TMEM132D: variants seen among roughly 807,000 people sequenced by gnomAD.
TMEM132D encodes transmembrane protein 132D.
TMEM132D carries 21 observed loss-of-function variants against 62.3 expected under a neutral mutation model. That is an observed-to-expected ratio of 0.34 (90% confidence interval 0.24 to 0.49). The LOEUF is 0.49. Ranked by LOEUF, TMEM132D falls within the 20% of genes least tolerant of loss-of-function variation. The probability of loss-of-function intolerance (pLI) is 0.99; values close to 1 mark genes in which losing one functional copy is unlikely to be tolerated. For missense variants in TMEM132D, 1,346 were observed against 1,402.8 expected (o/e 0.96, Z 0.65); for synonymous variants, 621 against 575.6 (o/e 1.08, Z -1.13).
intron 5 of TMEM132D, among the ~76,000 whole-genome samples, chr12:129,134,176 G>A (rs1565974649): frequency 6.6e-6 from 1 of 151,258 alleles, no homozygotes; most frequent in East Asian, 1.9e-4. Flanking sequence ...CTGTGTGTGT[G>A]TGTCTGTGTG....
intron 5 of TMEM132D, among the ~76,000 whole-genome samples, chr12:129,175,526 G>C (rs955901953): frequency 5.9e-5 from 9 of 152,110 alleles, no homozygotes; most frequent in Non-Finnish European, 1.3e-4. Flanking sequence ...ATTATGAAAA[G>C]GCCCCATCTC....
chr12:129,274,624 C>T (rs1395656408), intron 4 of TMEM132D, among the ~76,000 whole-genome samples: 4 of 152,190 alleles, frequency 2.6e-5, no homozygotes, highest in East Asian at 3.9e-4. Flanking sequence ...CAGTGGTTCA[C>T]GCCTGTAATC....
At chr12:129,518,152 C>T (rs796351691) in intron 3 of TMEM132D, among the ~76,000 whole-genome samples, 110 of 151,374 alleles carry the variant, frequency 7.3e-4, no homozygotes, top group African/African-American at 2.6e-3. Flanking sequence ...TCATGTTAAC[C>T]TCAATTTCAT....
intron 5 of TMEM132D, among the ~76,000 whole-genome samples, chr12:129,087,905 ACCGGGGTGTCCTCCC>A (rs1874681486): frequency 1.6e-5 from 2 of 126,500 alleles, no homozygotes; most frequent in South Asian, 2.6e-4. Context: ...GTCCTCCCTG[ACCGGGGTGTCCTCCC>A]TGACCGGGTG....
At chr12:129,694,557 T>TGAGCCTTGGCCAATCCCAGTGGCC (rs1468226655) in intron 2 of TMEM132D, among the ~76,000 whole-genome samples, 2 of 152,234 alleles carry the variant, frequency 1.3e-5, no homozygotes, top group African/African-American at 2.4e-5. Flanking sequence ...TAACAGTGGC[T>TGAGCCTTGGCCAATCCCAGTGGCC]GAGTCTTGGC....
At chr12:129,470,995 T>C (rs1008845439) in intron 3 of TMEM132D, among the ~76,000 whole-genome samples, 1 of 152,118 alleles carries the variant, frequency 6.6e-6, no homozygotes, top group African/African-American at 2.4e-5. Context: ...AATGGGTGCA[T>C]GAGCATTTCT....
chr12:129,463,500 T>A (rs1873759492), intron 3 of TMEM132D, among the ~76,000 whole-genome samples: 1 of 151,290 alleles, frequency 6.6e-6, no homozygotes, highest in Non-Finnish European at 1.5e-5. Flanking sequence ...ATACTTTAAG[T>A]TTTAGGGTAC....
At chr12:129,275,352 A>G (rs543669407) in intron 4 of TMEM132D, among the ~76,000 whole-genome samples, 17 of 152,340 alleles carry the variant, frequency 1.1e-4, no homozygotes, top group East Asian at 5.8e-4. Context: ...CACTAAGTTT[A>G]TAACAGAAAT....
At chr12:129,784,751 G>C (rs1351595800) in intron 1 of TMEM132D, among the ~76,000 whole-genome samples, 1 of 152,132 alleles carries the variant, frequency 6.6e-6, no homozygotes, top group South Asian at 2.1e-4. Flanking sequence ...GACCTTCCCA[G>C]TCTTCTGGGA....
At chr12:129,483,917 A>G (rs1566084511) in intron 3 of TMEM132D, among the ~76,000 whole-genome samples, 1 of 152,200 alleles carries the variant, frequency 6.6e-6, no homozygotes, top group Non-Finnish European at 1.5e-5. Flanking sequence ...ACATATGTAT[A>G]CAAACTATAT....
intron 3 of TMEM132D, among the ~76,000 whole-genome samples, chr12:129,477,207 A>G (rs935123375): frequency 6.6e-6 from 1 of 152,310 alleles, no homozygotes; most frequent in East Asian, 1.9e-4. Flanking sequence ...GTCTCCAGAC[A>G]TTGCCGAAGT....
intron 2 of TMEM132D, among the ~76,000 whole-genome samples, chr12:129,629,693 A>C (rs1262946779): frequency 1.3e-5 from 2 of 152,178 alleles, no homozygotes; most frequent in African/African-American, 2.4e-5. Flanking sequence ...TATACAAACA[A>C]ACACCATCCG....
intron 4 of TMEM132D, among the ~76,000 whole-genome samples, chr12:129,334,149 A>C (rs1032575203): frequency 6.6e-6 from 1 of 152,108 alleles, no homozygotes; most frequent in Non-Finnish European, 1.5e-5. Flanking sequence ...TAATGAAAAA[A>C]ATTTTTAAAT....
At chr12:129,165,622 T>A (rs987931412) in intron 5 of TMEM132D, among the ~76,000 whole-genome samples, 1 of 152,050 alleles carries the variant, frequency 6.6e-6, no homozygotes, top group African/African-American at 2.4e-5. Context: ...GAACTGGAAA[T>A]TGACCAGTAT....
At chr12:129,894,868 CGT>C (rs1037870229) in intron 1 of TMEM132D, among the ~76,000 whole-genome samples, 1 of 152,242 alleles carries the variant, frequency 6.6e-6, no homozygotes, top group African/African-American at 2.4e-5. Flanking sequence ...CCCAAGTCAG[CGT>C]GTGTGATCTA....
At chr12:129,542,783 A>G (rs1448969418) in intron 2 of TMEM132D, among the ~76,000 whole-genome samples, 2 of 152,176 alleles carry the variant, frequency 1.3e-5, no homozygotes, top group East Asian at 3.9e-4. Flanking sequence ...AATTAACTGC[A>G]TGTACAACAA....
intron 3 of TMEM132D, among the ~76,000 whole-genome samples, chr12:129,426,754 GGATT>G (rs1872513425): frequency 6.6e-6 from 1 of 152,198 alleles, no homozygotes; most frequent in Non-Finnish European, 1.5e-5. Flanking sequence ...CAGGAGGGAA[GGATT>G]ATTATCACCG....
intron 2 of TMEM132D, among the ~76,000 whole-genome samples, chr12:129,537,717 A>G (rs11060413): frequency 0.34 from 51,937 of 152,130 alleles, 9,989 homozygotes; most frequent in African/African-American, 0.53. Context: ...CGAGGAGACC[A>G]AAGAGAAGAG....
At chr12:129,279,196 G>A (rs943987837) in intron 4 of TMEM132D, among the ~76,000 whole-genome samples, 2 of 152,164 alleles carry the variant, frequency 1.3e-5, no homozygotes, top group African/African-American at 4.8e-5. Flanking sequence ...TCAATTTAAA[G>A]GGAAAAGTTG....
Sources: gnomAD v4.1 joint callset for allele counts (sites outside exome capture counted in the v4.1 genomes callset) on GRCh38, gnomAD v4.1.1 for gene constraint, MANE v1.5 for transcripts, NCBI Gene and HGNC (gene_info 2026-07-23, HGNC 2026-07-21) for gene names.